DYDC1: variants seen among roughly 807,000 people sequenced by gnomAD.
DYDC1 encodes the protein DPY30 domain containing 1.
DYDC1 carries 21 observed loss-of-function variants against 27.9 expected under a neutral mutation model. That is an observed-to-expected ratio of 0.75 (90% CI 0.53 to 1.08). The LOEUF (loss-of-function observed/expected upper bound fraction) is 1.08, where lower values mean the gene tolerates loss of function less well. Ranked by LOEUF, DYDC1 falls within the 50% of genes least tolerant of loss-of-function variation. The pLI is 0.00. For synonymous variants in DYDC1, 67 were observed against 65.8 expected (o/e 1.02, Z -0.09); for missense variants, 202 against 205.9 (o/e 0.98, Z 0.12).
chr10:80,354,452 C>T (rs1843226781), intron 1 of DYDC1: 1 of 145,832 alleles, frequency 6.9e-6, no homozygotes, highest in Non-Finnish European at 1.5e-5. Flanking sequence ...TGCCATTGCA[C>T]TCCAGCCTGG....
At position 80,352,478 on chromosome 10, in the gene DYDC1, C is replaced by T. The variant is rs1347785749; in HGVS notation, c.124G>A (p.Glu42Lys). The change falls in exon 2 of 7, where the codon GAA (glutamate) becomes AAA (lysine). Residue 42 changes from glutamate (E) to lysine (K), a missense_variant. Transcript: ENST00000372202. ...ACCAGTTGTTCCATGGTCACATTTT[C>T]CTTATACTTGTAAATCCACAATGCT... Reference protein sequence around the residue: ...YLALWIYKYKENVTMEQLRQK... With the variant: ...YLALWIYKYKKNVTMEQLRQK... The T allele has an allele frequency of 6.2e-6, 10 of 1,609,644 alleles. No individual in the cohort carries two copies. The South Asian group carries it at 1.0e-4, about 16-fold the overall frequency.
intron 1 of DYDC1, 26 bp downstream of exon 1, chr10:80,356,686 A>C (rs1043765302): frequency 4.1e-6 from 4 of 984,160 alleles, no homozygotes; most frequent in Non-Finnish European, 4.8e-6. Context: ...TCCCAAAAAC[A>C]GTTCGGGCCT....
Position 80,356,698 on chromosome 10 carries a change from T to G in DYDC1, c.-10+14A>C. 2 of 984,506 alleles carry G rather than the reference T, an allele frequency of 2.0e-6. No homozygotes were observed. Among genetic ancestry groups the G allele is most frequent in the Non-Finnish European group, 2.4e-6 (2 of 829,174 alleles). The allele number at this position is 984,506 out of a possible 1,614,324, so 61.0% of individuals were successfully genotyped here. On this transcript the variant is annotated intron_variant, in intron 1 of 6. Transcript: ENST00000372202. ...AAATCCCAAAAACAGTTCGGGCCTT[T>G]CCGGTGCGCTCACCCCTACACACGC...
Position 80,338,618 on chromosome 10 carries a change from A to G in DYDC1, c.400-47T>C, listed in dbSNP as rs748266783. On this transcript the variant is annotated intron_variant, in intron 5 of 6. Coordinates refer to ENST00000372202, the MANE Select transcript of DYDC1 (RefSeq NM_001269053.2). ...TTACTTTTAAATGATTTCAAAATTAATACATTACTTTTCTTTCAATTTTGA... is the reference window on the plus strand; with the variant it reads ...TTACTTTTAAATGATTTCAAAATTAGTACATTACTTTTCTTTCAATTTTGA... The G allele has an allele frequency of 5.5e-6, 8 of 1,467,642 alleles. No homozygotes were observed. The African/African-American group carries it at 1.0e-4, about 19-fold the overall frequency. 90.9% of individuals were successfully genotyped at this position (1,467,642 alleles called of 1,614,324 possible). A position where few individuals can be genotyped will look rare whatever the true frequency, so the allele number is the denominator to read the frequency against.
intron 2 of DYDC1, 70 bp downstream of exon 2, chr10:80,352,385 C>CT: frequency 7.0e-7 from 1 of 1,425,054 alleles, no homozygotes; most frequent in Non-Finnish European, 9.2e-7. Flanking sequence ...TAATGTTAAA[C>CT]TTTTTTAAAA....
At chr10:80,352,733 T>C (rs939869379) in intron 1 of DYDC1, 123 bp from the exon 2 acceptor site, 40 of 1,194,828 alleles carry the variant, frequency 3.3e-5, no homozygotes, top group Non-Finnish European at 4.1e-5. Context: ...ACACCTCCCA[T>C]TGGGGGTGTC....
chr10:80,352,743 C>G, intron 1 of DYDC1, 133 bp from the exon 2 acceptor site: 1 of 1,144,368 alleles, frequency 8.7e-7, no homozygotes, highest in Non-Finnish European at 1.1e-6. Flanking sequence ...TTGGGGGTGT[C>G]ACAAGCAAGC....
At chr10:80,341,340 G>A (rs1470371628) in intron 4 of DYDC1, among the ~76,000 whole-genome samples, 3 of 150,994 alleles carry the variant, frequency 2.0e-5, no homozygotes, top group Non-Finnish European at 4.4e-5. Context: ...CTACTCGGGA[G>A]GCTGAGGCTC....
chr10:80,356,618 A>G, intron 1 of DYDC1, 94 bp downstream of exon 1: 4 of 985,434 alleles, frequency 4.1e-6, no homozygotes, highest in African/African-American at 1.7e-5. Context: ...TCGACGCCCA[A>G]GGCCCAACGG....
intron 6 of DYDC1, 86 bp from the exon 7 acceptor site, chr10:80,336,271 T>G (rs1195304130): frequency 6.8e-7 from 1 of 1,460,154 alleles, no homozygotes; most frequent in East Asian, 2.6e-5. Context: ...TTTAGGTAAC[T>G]TCTATGTGAC....
intron 4 of DYDC1, among the ~76,000 whole-genome samples, chr10:80,340,877 C>T (rs2132750280): frequency 6.6e-6 from 1 of 152,272 alleles, no homozygotes; most frequent in Middle Eastern, 3.4e-3. Context: ...TGCATACAGG[C>T]ATATCCCTGT....
intron 1 of DYDC1, chr10:80,356,116 G>A: frequency 2.4e-6 from 1 of 420,066 alleles, no homozygotes; most frequent in Non-Finnish European, 3.2e-6. Flanking sequence ...CCAGGTCAGG[G>A]GAGGCTCTGT....
chr10:80,353,161 A>C (rs1425721764), intron 1 of DYDC1, among the ~76,000 whole-genome samples: 1 of 152,078 alleles, frequency 6.6e-6, no homozygotes, highest in Non-Finnish European at 1.5e-5. Flanking sequence ...GAAAAAAAAA[A>C]ATCCATAAAT....
intron 6 of DYDC1, chr10:80,338,139 G>C (rs1842194289): frequency 1.0e-6 from 1 of 985,148 alleles, no homozygotes; most frequent in Non-Finnish European, 1.2e-6. Flanking sequence ...TTGGTTCCAG[G>C]GTTTGCTACT....
chr10:80,352,132 A>G, intron 2 of DYDC1, 130 bp from the exon 3 acceptor site: 1 of 824,410 alleles, frequency 1.2e-6, no homozygotes, highest in South Asian at 1.7e-5. Flanking sequence ...CCCTGTGGAA[A>G]TGATATAATA....
intron 1 of DYDC1, chr10:80,356,111 T>TC: frequency 2.6e-6 from 1 of 382,530 alleles, no homozygotes; most frequent in Non-Finnish European, 3.6e-6. Context: ...CGGGGCCAGG[T>TC]CAGGGGAGGC....
chr10:80,345,483 TG>T (rs1427713630), intron 3 of DYDC1, among the ~76,000 whole-genome samples: 1 of 152,164 alleles, frequency 6.6e-6, no homozygotes, highest in African/African-American at 2.4e-5. Context: ...ACAATCTTAT[TG>T]GCTATCATCC....
intron 3 of DYDC1, among the ~76,000 whole-genome samples, chr10:80,349,399 A>G (rs1455695675): frequency 2.0e-5 from 3 of 152,252 alleles, no homozygotes; most frequent in South Asian, 4.1e-4. Context: ...CCTACATAAT[A>G]TGCCATAATG....
intron 6 of DYDC1, 144 bp downstream of exon 6, chr10:80,338,323 G>A: frequency 3.6e-6 from 5 of 1,376,390 alleles, no homozygotes; most frequent in Non-Finnish European, 4.7e-6. Flanking sequence ...CGCAACCAGG[G>A]AACTGATTTT....
Sources: allele counts gnomAD v4.1 joint callset (sites outside exome capture counted in the v4.1 genomes callset), GRCh38; gene constraint gnomAD v4.1.1; transcripts MANE v1.5; gene names NCBI Gene and HGNC (gene_info 2026-07-23, HGNC 2026-07-21).